Variants in FMN2 observed in about 807,000 individuals in gnomAD.
FMN2 encodes the protein formin 2.
Under a neutral mutation model 142.3 loss-of-function variants are expected in FMN2, and 51 were observed. That is an observed-to-expected ratio of 0.36 (90% CI 0.29 to 0.45). The LOEUF (loss-of-function observed/expected upper bound fraction) is 0.45, where lower values mean the gene tolerates loss of function less well. Among genes scored for constraint, FMN2 ranks in the 20% least tolerant of loss-of-function variants. The pLI is 1.00. For synonymous variants in FMN2, 882 were observed against 869.8 expected (o/e 1.01, Z -0.25); for missense variants, 1,936 against 2,122.8 (o/e 0.91, Z 1.73).
intron 14 of FMN2, among the ~76,000 whole-genome samples, chr1:240,372,764 C>G (rs1672915083): frequency 6.6e-6 from 1 of 151,638 alleles, no homozygotes; most frequent in Admixed American, 6.6e-5. Flanking sequence ...TAAAGCAAGT[C>G]ACATGCATTT....
intron 7 of FMN2, among the ~76,000 whole-genome samples, chr1:240,288,785 C>G (rs1669679742): frequency 6.6e-6 from 1 of 151,970 alleles, no homozygotes; most frequent in Non-Finnish European, 1.5e-5. Flanking sequence ...ATGAAGAAGC[C>G]CATCTGGCAA....
intron 16 of FMN2, among the ~76,000 whole-genome samples, chr1:240,442,523 G>A (rs937898757): frequency 1.3e-5 from 2 of 152,228 alleles, no homozygotes; most frequent in Non-Finnish European, 1.5e-5. Context: ...AATCACCCAT[G>A]TGATTAGCAA....
At chr1:240,161,331 G>C (rs888382298) in intron 2 of FMN2, among the ~76,000 whole-genome samples, 2 of 151,990 alleles carry the variant, frequency 1.3e-5, no homozygotes, top group African/African-American at 4.8e-5. Flanking sequence ...GGAGATAAGA[G>C]ACCATCCTGG....
intron 15 of FMN2, among the ~76,000 whole-genome samples, chr1:240,400,063 G>A (rs1232697974): frequency 2.0e-5 from 3 of 152,160 alleles, no homozygotes; most frequent in South Asian, 4.1e-4. Flanking sequence ...TTGAGAGGGC[G>A]TTCGCAGCTC....
chr1:240,112,111 C>CT (rs1661833462), intron 1 of FMN2, among the ~76,000 whole-genome samples: 1 of 151,670 alleles, frequency 6.6e-6, no homozygotes, highest in Non-Finnish European at 1.5e-5. Flanking sequence ...GACAAGACAC[C>CT]TAACATCCTT....
chr1:240,375,836 A>G (rs1198230101), intron 14 of FMN2, among the ~76,000 whole-genome samples: 1 of 151,988 alleles, frequency 6.6e-6, no homozygotes, highest in Non-Finnish European at 1.5e-5. Context: ...GTCTTTACTG[A>G]TTTTCTTTCT....
Position 240,108,735 on chromosome 1 carries a change from T to C in FMN2, c.1616-14444T>C, listed in dbSNP as rs146825491. ...AACTGTCTTGTTCATCCTTCTACCATTAAAAAATGCACAGAAGGGGCCTGG... is the reference window on the plus strand; with the variant it reads ...AACTGTCTTGTTCATCCTTCTACCACTAAAAAATGCACAGAAGGGGCCTGG... On this transcript the variant is annotated intron_variant, in intron 1 of 17. Coordinates refer to ENST00000319653, the MANE Select transcript of FMN2 (RefSeq NM_020066.5). 3.9e-5 allele frequency among the ~76,000 whole-genome samples: 6 copies of C among 152,266 alleles called. No individual in the cohort carries two copies. The East Asian group carries it at 1.2e-3, about 29-fold the overall frequency.
intron 15 of FMN2, among the ~76,000 whole-genome samples, chr1:240,398,436 G>A (rs970635461): frequency 2.0e-5 from 3 of 152,094 alleles, no homozygotes; most frequent in Non-Finnish European, 4.4e-5. Context: ...GAGGTCAAAG[G>A]CCTGAAATTA....
At chr1:240,137,035 A>G (rs947117145) in intron 2 of FMN2, among the ~76,000 whole-genome samples, 10 of 138,132 alleles carry the variant, frequency 7.2e-5, no homozygotes, top group Non-Finnish European at 1.4e-4. Flanking sequence ...GCGCTACTGC[A>G]CTCCAGCCTG....
intron 14 of FMN2, among the ~76,000 whole-genome samples, chr1:240,380,377 A>G (rs1279145206): frequency 6.6e-6 from 1 of 152,186 alleles, no homozygotes; most frequent in Non-Finnish European, 1.5e-5. Flanking sequence ...ACTTGCTCCT[A>G]CAAAACCTTT....
intron 1 of FMN2, among the ~76,000 whole-genome samples, chr1:240,119,189 T>C (rs985886581): frequency 2.0e-5 from 3 of 151,696 alleles, no homozygotes; most frequent in African/African-American, 7.3e-5. Flanking sequence ...ATTAGCCGGG[T>C]GTGGTGGCGC....
intron 1 of FMN2, among the ~76,000 whole-genome samples, chr1:240,106,359 C>G (rs1371854063): frequency 6.6e-6 from 1 of 152,190 alleles, no homozygotes; most frequent in East Asian, 1.9e-4. Context: ...AATCATATTT[C>G]TAGCTCAGAT....
chr1:240,392,627 G>C, intron 15 of FMN2, 65 bp downstream of exon 15: 1 of 1,289,260 alleles, frequency 7.8e-7, no homozygotes, highest in Non-Finnish European at 1.1e-6. Context: ...TTCATCTTAA[G>C]GAACCAATTT....
chr1:240,383,832 G>A (rs1673310230), intron 14 of FMN2, among the ~76,000 whole-genome samples: 2 of 151,448 alleles, frequency 1.3e-5, no homozygotes. Flanking sequence ...CAAAGTCATG[G>A]AATCAACCTG....
intron 11 of FMN2, among the ~76,000 whole-genome samples, chr1:240,333,435 C>T (rs1671445993): frequency 6.6e-6 from 1 of 152,066 alleles, no homozygotes; most frequent in African/African-American, 2.4e-5. Flanking sequence ...TTTTTTATTT[C>T]CCTAATCTAT....
At chr1:240,155,766 G>GT (rs1304472492) in intron 2 of FMN2, among the ~76,000 whole-genome samples, 2 of 151,426 alleles carry the variant, frequency 1.3e-5, no homozygotes, top group Non-Finnish European at 2.9e-5. Flanking sequence ...ATTGAGTAAT[G>GT]TTTTTTAATA....
In FMN2 at chr1:240,348,419, C is replaced by T. The variant is rs543131805; in HGVS notation, c.4766-7397C>T. ...TGTATTTTTAGTAGATACAGGGTTT[C>T]GCCATGTTGACCAGGTTGGTCTCGA... On this transcript the variant is annotated intron_variant, in intron 13 of 17. Transcript: ENST00000319653. Among the ~76,000 whole-genome samples the T allele has an allele frequency of 1.8e-4, 28 of 151,818 alleles. No individual in the cohort carries two copies. In the South Asian group the frequency reaches 5.4e-3, roughly 29 times the overall value.
rs1660998034 is a variant in FMN2 at position 240,092,209 on chromosome 1, G to A, written c.100G>A (p.Ala34Thr). The A allele has an allele frequency of 6.3e-7, 1 of 1,582,946 alleles. No homozygotes were observed. Among genetic ancestry groups the A allele is most frequent in the African/African-American group, 1.3e-5 (1 of 74,284 alleles). The change falls in exon 1 of 18, where the codon GCC becomes ACC. Residue 34 changes from alanine (A) to threonine (T), a missense_variant. Physicochemically the swap from Ala to Thr is moderately conservative, Grantham distance 58. Around this residue, in one of 8 missense-constraint regions of FMN2, gnomAD observed 751 missense variants for 791.8 expected, o/e 0.95. Transcript: ENST00000319653. ...EDALGPRDVEATKKGSGGKKA... is the reference protein window; with the variant it reads ...EDALGPRDVETTKKGSGGKKA... Reference sequence around the variant, plus strand: ...TGCGCTGGGGCCCAGGGATGTGGAAGCCACAAAGAAGGGGAGCGGGGGCAA... The same window carrying A: ...TGCGCTGGGGCCCAGGGATGTGGAAACCACAAAGAAGGGGAGCGGGGGCAA...
intron 1 of FMN2, among the ~76,000 whole-genome samples, chr1:240,099,928 C>T (rs191735252): frequency 6.6e-6 from 1 of 152,256 alleles, no homozygotes; most frequent in Non-Finnish European, 1.5e-5. Flanking sequence ...ACTAATCTGT[C>T]CACAGATATC....
Sources: allele counts gnomAD v4.1 joint callset (sites outside exome capture counted in the v4.1 genomes callset), GRCh38; gene constraint gnomAD v4.1.1; regional missense constraint gnomAD v4.1.1; transcripts MANE v1.5; gene names NCBI Gene and HGNC (gene_info 2026-07-23, HGNC 2026-07-21).